COX5A: variants seen among roughly 807,000 people sequenced by gnomAD.
COX5A encodes the protein cytochrome c oxidase subunit 5A.
COX5A carries 6 observed loss-of-function variants against 16.1 expected under a neutral mutation model. The observed-to-expected ratio is 0.37, with a 90% CI of 0.20 to 0.73. The LOEUF (loss-of-function observed/expected upper bound fraction) is 0.73, where lower values mean the gene tolerates loss of function less well. Ranked by LOEUF, COX5A falls within the 30% of genes least tolerant of loss-of-function variation. The pLI is 0.50. For missense variants in COX5A, 159 were observed against 194.9 expected, an observed-to-expected ratio of 0.82 and a Z score of 1.10; for synonymous variants, 73 against 73.8, an observed-to-expected ratio of 0.99 and a Z score of 0.06.
chr15:74,936,293 AAACAAAAAC>A (rs1271105348), intron 1 of COX5A, among the ~76,000 whole-genome samples: 2 of 150,334 alleles, frequency 1.3e-5, no homozygotes, highest in East Asian at 2.1e-4. Flanking sequence ...AAACAAAACA[AAACAAAAAC>A]AAACAAACAA....
chr15:74,929,776 C>A (rs1178601406), intron 1 of COX5A, among the ~76,000 whole-genome samples: 1 of 152,080 alleles, frequency 6.6e-6, no homozygotes, highest in African/African-American at 2.4e-5. Flanking sequence ...CAGCGACACC[C>A]CACTTCTAAA....
intron 3 of COX5A, among the ~76,000 whole-genome samples, chr15:74,924,947 G>T (rs1004438855): frequency 2.0e-5 from 3 of 152,192 alleles, no homozygotes; most frequent in African/African-American, 7.2e-5. Context: ...TATGTCCAGG[G>T]CTGGAGACTT....
At chr15:74,921,590 C>A (rs899122234) in intron 4 of COX5A, among the ~76,000 whole-genome samples, 1 of 151,772 alleles carries the variant, frequency 6.6e-6, no homozygotes, top group Non-Finnish European at 1.5e-5. Flanking sequence ...ATGAACCGGG[C>A]ATGGTGGTGG....
intron 4 of COX5A, among the ~76,000 whole-genome samples, chr15:74,922,315 G>A (rs2065324637): frequency 6.6e-6 from 1 of 151,658 alleles, no homozygotes; most frequent in South Asian, 2.1e-4. Flanking sequence ...GAACCCGGGA[G>A]GCGGAAGTTC....
intron 4 of COX5A, among the ~76,000 whole-genome samples, chr15:74,920,982 AAAAAAAAG>A (rs1376620967): frequency 3.3e-5 from 5 of 152,096 alleles, no homozygotes; most frequent in South Asian, 4.2e-4. Flanking sequence ...GTCTCCCAAC[AAAAAAAAG>A]AAAAAAAGAA....
At chr15:74,937,854 G>T in intron 1 of COX5A, 61 bp downstream of exon 1, 1 of 1,044,814 alleles carries the variant, frequency 9.6e-7, no homozygotes, top group Non-Finnish European at 1.2e-6. Context: ...CGGAGTGGCA[G>T]CGGGGACCCA....
chr15:74,921,437 A>G (rs1457663138), intron 4 of COX5A, among the ~76,000 whole-genome samples: 2 of 146,378 alleles, frequency 1.4e-5, no homozygotes, highest in Non-Finnish European at 3.0e-5. Flanking sequence ...GAAAAAGAAT[A>G]TCAATCACAG....
chr15:74,929,333 C>G, intron 1 of COX5A, 101 bp from the exon 2 acceptor site: 1 of 745,742 alleles, frequency 1.3e-6, no homozygotes, highest in South Asian at 1.6e-5. Context: ...GTTGTGGCAG[C>G]AAAAATATTG....
intron 1 of COX5A, among the ~76,000 whole-genome samples, chr15:74,934,024 G>A (rs1387717976): frequency 6.6e-6 from 1 of 152,162 alleles, no homozygotes; most frequent in Non-Finnish European, 1.5e-5. Flanking sequence ...AACTTTGAGA[G>A]GCCAAGGCAG....
chr15:74,920,328 C>T lies in COX5A; in HGVS notation c.*124G>A. 1 of 675,864 alleles carries T rather than the reference C, an allele frequency of 1.5e-6. No individual in the cohort carries two copies. The highest frequency in any genetic ancestry group is 1.7e-5 in the South Asian group (1 of 59,724). The allele number at this position is 675,864 out of a possible 1,614,324, so 41.9% of individuals were successfully genotyped here. A position where few individuals can be genotyped will look rare whatever the true frequency, so the allele number is the denominator to read the frequency against. On this transcript the variant is annotated 3_prime_UTR_variant, in exon 5 of 5. Transcript: ENST00000322347. ...TAAAGTCCAAGTTACCATTACATGGCTTGGTACTCAATAAAGGAAAACTTG... is the reference window on the plus strand; with the variant it reads ...TAAAGTCCAAGTTACCATTACATGGTTTGGTACTCAATAAAGGAAAACTTG...
At position 74,920,370 on chromosome 15, in the gene COX5A, T is replaced by A. The variant is rs780782689; in HGVS notation, c.*82A>T. ...GAAAACTTGTTCAAATAAGGTAATA[T>A]GTTATCATCAGTATTTCCAGGTAAC... On this transcript the variant is annotated 3_prime_UTR_variant, in exon 5 of 5. Coordinates refer to ENST00000322347, the MANE Select transcript of COX5A (RefSeq NM_004255.4). 1.2e-5 allele frequency: 8 copies of A among 693,918 alleles called. No individual in the cohort carries two copies. The highest frequency in any genetic ancestry group is 7.8e-5 in the South Asian group (5 of 64,442). The allele number at this position is 693,918 out of a possible 1,614,324, so 43.0% of individuals were successfully genotyped here. A position where few individuals can be genotyped will look rare whatever the true frequency, so the allele number is the denominator to read the frequency against.
chr15:74,937,526 G>T (rs758371118), intron 1 of COX5A, among the ~76,000 whole-genome samples: 13 of 152,216 alleles, frequency 8.5e-5, no homozygotes, highest in Non-Finnish European at 1.3e-4. Flanking sequence ...CAAGCGGCGT[G>T]CCCGGAGGCT....
Position 74,926,864 on chromosome 15 carries a change from C to T in COX5A, c.241G>A (p.Asp81Asn). The change falls in exon 3 of 5, where the codon GAT becomes AAT. Residue 81 changes from aspartate to asparagine, a missense_variant. Coordinates refer to ENST00000322347, the MANE Select transcript of COX5A (RefSeq NM_004255.4). ...RKGINTLVTY[D>N]MVPEPKIIDA... ...ATGATTTTGGGCTCTGGAACCATAT[C>T]ATAGGTAACAAGTGTGTTTATCCCT... 1 of 1,613,724 alleles carries T rather than the reference C, an allele frequency of 6.2e-7. No individual in the cohort carries two copies. The highest frequency in any genetic ancestry group is 8.5e-7 in the Non-Finnish European group (1 of 1,179,832).
intron 1 of COX5A, among the ~76,000 whole-genome samples, chr15:74,930,948 C>T (rs1470677448): frequency 5.6e-5 from 7 of 124,082 alleles, no homozygotes; most frequent in African/African-American, 1.5e-4. Context: ...ACCCAGGAGG[C>T]GGAGCTTGCA....
At chr15:74,936,930 A>T (rs1367638046) in intron 1 of COX5A, among the ~76,000 whole-genome samples, 1 of 152,086 alleles carries the variant, frequency 6.6e-6, no homozygotes, top group Non-Finnish European at 1.5e-5. Context: ...CGCCCGGCTG[A>T]GTTCTTTTTT....
At chr15:74,936,243 G>C (rs1161528423) in intron 1 of COX5A, among the ~76,000 whole-genome samples, 1 of 151,820 alleles carries the variant, frequency 6.6e-6, no homozygotes, top group African/African-American at 2.4e-5. Context: ...TCCAGCCTGG[G>C]CAACAAGAAC....
intron 1 of COX5A, among the ~76,000 whole-genome samples, chr15:74,936,873 C>A (rs891844037): frequency 2.6e-5 from 4 of 152,038 alleles, no homozygotes; most frequent in African/African-American, 9.7e-5. Context: ...AGGTGATCCG[C>A]CCGCCTCGGC....
At chr15:74,930,416 CA>C (rs71140116) in intron 1 of COX5A, among the ~76,000 whole-genome samples, 50,229 of 109,316 alleles carry the variant, frequency 0.46, 8,528 homozygotes, top group Admixed American at 0.53. Flanking sequence ...GACTCCGCCT[CA>C]AAAAAAAAAA....
intron 1 of COX5A, among the ~76,000 whole-genome samples, chr15:74,932,873 T>C (rs1566981626): frequency 6.6e-6 from 1 of 151,754 alleles, no homozygotes. Flanking sequence ...ATTTTTTGTA[T>C]CTTTAGTAGA....
Sources: gnomAD v4.1 joint callset for allele counts (sites outside exome capture counted in the v4.1 genomes callset) on GRCh38, gnomAD v4.1.1 for gene constraint, MANE v1.5 for transcripts, NCBI Gene and HGNC (gene_info 2026-07-23, HGNC 2026-07-21) for gene names.